The following POFUT1 variants were observed in gnomAD, a reference collection of about 807,000 sequenced individuals.
POFUT1 encodes the protein GDP-fucose protein O-fucosyltransferase 1.
A neutral mutation model predicts 42.4 loss-of-function variants in POFUT1; 16 were observed. The ratio of observed to expected loss-of-function variants is 0.38; its 90% CI spans 0.26 to 0.57. The LOEUF (loss-of-function observed/expected upper bound fraction) is 0.57, where lower values mean the gene tolerates loss of function less well. Among genes scored for constraint, POFUT1 ranks in the 20% least tolerant of loss-of-function variants. The pLI is 0.71. For synonymous variants in POFUT1, 206 were observed against 205.4 expected, an observed-to-expected ratio of 1.00 and a Z score of -0.03; for missense variants, 470 against 504.6, an observed-to-expected ratio of 0.93 and a Z score of 0.66.
At chr20:32,209,986 C>T in intron 1 of POFUT1, 85 bp from the exon 2 acceptor site, 1 of 1,501,722 alleles carries the variant, frequency 6.7e-7, no homozygotes, top group Non-Finnish European at 9.2e-7. Context: ...CTTTCTACCC[C>T]TGGCTCCACA....
At position 32,234,868 on chromosome 20, in the gene POFUT1, G is replaced by A. The variant is rs1319978093; in HGVS notation, c.*207G>A. The A allele has an allele frequency of 1.0e-5, 5 of 499,172 alleles. No individual in the cohort carries two copies. The highest frequency in any genetic ancestry group is 1.8e-5 in the Non-Finnish European group (5 of 283,978). The allele number at this position is 499,172 out of a possible 1,614,324, so 30.9% of individuals were successfully genotyped here. On this transcript the variant is annotated 3_prime_UTR_variant, in exon 7 of 7. Coordinates refer to ENST00000375749, the MANE Select transcript of POFUT1 (RefSeq NM_015352.2). ...GACTTGCAGGTTCCTAGGAGCAGGA[G>A]CATCTCCCATCGCACGTGCTTTCTG...
intron 1 of POFUT1, 117 bp from the exon 2 acceptor site, chr20:32,209,954 T>C (rs892701837): frequency 9.2e-7 from 1 of 1,092,712 alleles, no homozygotes; most frequent in South Asian, 1.4e-5. Context: ...CCAGCTCCCC[T>C]AGTTCTCCTT....
chr20:32,215,160 A>C, intron 2 of POFUT1, 109 bp from the exon 3 acceptor site: 1 of 782,148 alleles, frequency 1.3e-6, no homozygotes, highest in Non-Finnish European at 2.1e-6. Context: ...AAGTGCTGGG[A>C]TTACAGGCGT....
intron 4 of POFUT1, among the ~76,000 whole-genome samples, chr20:32,224,120 G>T (rs2047403096): frequency 3.3e-5 from 5 of 152,188 alleles, no homozygotes; most frequent in Admixed American, 3.3e-4. Flanking sequence ...GGCCAGGCGC[G>T]GTGGCTCACG....
Position 32,222,584 on chromosome 20 carries a change from C to T in POFUT1, c.543-5679C>T, listed in dbSNP as rs891610163. ...ATGTCTGTCTTTCTTTTTCTTTCCC[C>T]CACCTCGCCCGGGGTATGTTTGGCT... On this transcript the variant is annotated intron_variant, in intron 4 of 6. Transcript: ENST00000375749. 1.2e-5 allele frequency: 12 copies of T among 985,142 alleles called. No homozygotes were observed. The East Asian group carries it at 1.2e-3, about 102-fold the overall frequency. The allele number at this position is 985,142 out of a possible 1,614,324, so 61.0% of individuals were successfully genotyped here. A position where few individuals can be genotyped will look rare whatever the true frequency, so the allele number is the denominator to read the frequency against.
intron 3 of POFUT1, 63 bp from the exon 4 acceptor site, chr20:32,216,545 TG>T: frequency 1.0e-6 from 1 of 977,948 alleles, no homozygotes; most frequent in Non-Finnish European, 1.7e-6. Flanking sequence ...TACACTTCCC[TG>T]GCCCCATCCC....
At position 32,228,447 on chromosome 20, in the gene POFUT1, T is replaced by G. The variant is rs752146515; in HGVS notation, c.727T>G (p.Ser243Ala). The G allele has an allele frequency of 6.2e-7, 1 of 1,613,730 alleles. No individual in the cohort carries two copies. The highest frequency in any genetic ancestry group is 2.2e-5 in the East Asian group (1 of 44,884). ...PYVGIHLRIG[S>A]DWKNACAMLK... Reference sequence around the variant, plus strand: ...TGTGGGCATTCATCTGCGCATTGGCTCTGACTGGGTAACTTCCCCCTTCCT... The same window carrying G: ...TGTGGGCATTCATCTGCGCATTGGCGCTGACTGGGTAACTTCCCCCTTCCT... The change falls in exon 5 of 7, where the codon TCT becomes GCT. Residue 243 changes from serine (S) to alanine (A), a missense_variant. Physicochemically the swap from Ser to Ala is moderately conservative, Grantham distance 99 (BLOSUM62 1). Transcript: ENST00000375749.
chr20:32,209,984 C>CTT, intron 1 of POFUT1, 87 bp from the exon 2 acceptor site: 1 of 1,476,470 alleles, frequency 6.8e-7, no homozygotes, highest in South Asian at 1.2e-5. Context: ...GACTTTCTAC[C>CTT]CCTGGCTCCA....
At chr20:32,216,512 C>G in intron 3 of POFUT1, 97 bp from the exon 4 acceptor site, 1 of 738,126 alleles carries the variant, frequency 1.4e-6, no homozygotes, top group Non-Finnish European at 2.4e-6. Context: ...TGGCCTGAGT[C>G]ACATCACCCA....
chr20:32,229,770 C>T (rs1337965147), intron 5 of POFUT1, among the ~76,000 whole-genome samples: 1 of 152,006 alleles, frequency 6.6e-6, no homozygotes, highest in Non-Finnish European at 1.5e-5. Flanking sequence ...ACTCCTCCTC[C>T]TTCAATGCTT....
At chr20:32,226,855 G>A (rs908525834) in intron 4 of POFUT1, among the ~76,000 whole-genome samples, 8 of 152,100 alleles carry the variant, frequency 5.3e-5, no homozygotes, top group South Asian at 2.1e-4. Flanking sequence ...TGTGAGTGAC[G>A]TCTGGGTTGT....
At chr20:32,223,134 G>C in intron 4 of POFUT1, 1 of 985,438 alleles carries the variant, frequency 1.0e-6, no homozygotes, top group South Asian at 4.7e-5. Flanking sequence ...AGCAGCACAG[G>C]CATGGTGGTG....
rs140370191 is a variant in POFUT1 at position 32,208,848 on chromosome 20, C to T, written c.124+783C>T. On this transcript the variant is annotated intron_variant, in intron 1 of 6. Transcript: ENST00000375749. Reference sequence around the variant, plus strand: ...GAGACCCTGTCTCGAAACAAGCAAACCCAAAAAGGGGTAAACATAAAACAA... The same window carrying T: ...GAGACCCTGTCTCGAAACAAGCAAATCCAAAAAGGGGTAAACATAAAACAA... 1.9e-3 allele frequency among the ~76,000 whole-genome samples: 289 copies of T among 151,698 alleles called. 1 individual carries two copies. The highest frequency in any genetic ancestry group is 5.7e-3 in the African/African-American group (235 of 41,364).
chr20:32,216,265 T>C (rs181061286), intron 3 of POFUT1, among the ~76,000 whole-genome samples: 1 of 152,274 alleles, frequency 6.6e-6, no homozygotes, highest in East Asian at 1.9e-4. Flanking sequence ...ACCTTGAAAA[T>C]GAAGGCATTG....
At chr20:32,227,769 ATAG>A (rs1412806881) in intron 4 of POFUT1, among the ~76,000 whole-genome samples, 2 of 152,194 alleles carry the variant, frequency 1.3e-5, no homozygotes, top group Non-Finnish European at 2.9e-5. Context: ...GTCCCAATAC[ATAG>A]TAGGCAATCA....
chr20:32,228,253 T>C lies in POFUT1; in HGVS notation c.543-10T>C, dbSNP rs1324362248. ...GTCCTCTGACTTCCCTCATTCCATC[T>C]CCTGTCTAGATTTTCTCCAAAGGAA... On this transcript the variant is annotated splice_polypyrimidine_tract_variant and intron_variant, in intron 4 of 6. Coordinates refer to ENST00000375749, the MANE Select transcript of POFUT1 (RefSeq NM_015352.2). 3 of 1,610,706 alleles carry C rather than the reference T, an allele frequency of 1.9e-6. No homozygotes were observed. The highest frequency in any genetic ancestry group is 1.1e-5 in the South Asian group (1 of 90,654).
At chr20:32,216,402 T>C (rs1161674212) in intron 3 of POFUT1, among the ~76,000 whole-genome samples, 1 of 152,192 alleles carries the variant, frequency 6.6e-6, no homozygotes, top group Non-Finnish European at 1.5e-5. Flanking sequence ...GGAAAGACTC[T>C]CCTGCTGGAA....
At position 32,230,871 on chromosome 20, in the gene POFUT1, C is replaced by T. The variant is rs777678239; in HGVS notation, c.788C>T (p.Ala263Val). 1 of 1,614,174 alleles carries T rather than the reference C, an allele frequency of 6.2e-7. No homozygotes were observed. The highest frequency in any genetic ancestry group is 1.7e-5 in the Admixed American group (1 of 60,030). The change falls in exon 6 of 7, where the codon GCC becomes GTC. Residue 263 changes from alanine to valine, a missense_variant. Transcript: ENST00000375749. ...KDGTAGSHFMASPQCVGYSRS... is the reference protein window; with the variant it reads ...KDGTAGSHFMVSPQCVGYSRS... ...GGGACTGCAGGCTCGCACTTCATGGCCTCTCCGCAGTGTGTGGGCTACAGC... is the reference window on the plus strand; with the variant it reads ...GGGACTGCAGGCTCGCACTTCATGGTCTCTCCGCAGTGTGTGGGCTACAGC...
intron 2 of POFUT1, among the ~76,000 whole-genome samples, chr20:32,213,538 C>A (rs567023353): frequency 6.7e-6 from 1 of 148,822 alleles, no homozygotes; most frequent in Non-Finnish European, 1.5e-5. Flanking sequence ...TTTGGGAGAC[C>A]GAGGTGGACA....
Sources: allele counts gnomAD v4.1 joint callset (sites outside exome capture counted in the v4.1 genomes callset), GRCh38; gene constraint gnomAD v4.1.1; transcripts MANE v1.5; gene names NCBI Gene and HGNC (gene_info 2026-07-23, HGNC 2026-07-21).